GPR65: variants seen among roughly 807,000 people sequenced by gnomAD.
The protein encoded by GPR65 is G protein-coupled receptor 65.
GPR65 carries 2 observed loss-of-function variants against 0.7 expected under a neutral mutation model. That is an observed-to-expected ratio of 2.83 (90% confidence interval 1.16 to 8.92). The LOEUF (loss-of-function observed/expected upper bound fraction) is 8.92, where lower values mean the gene tolerates loss of function less well. GPR65 is among the 30% of genes most tolerant of loss of function. The probability of loss-of-function intolerance (pLI) is 0.04; values close to 1 mark genes in which losing one functional copy is unlikely to be tolerated. For missense variants in GPR65, 379 were observed against 399.4 expected (o/e 0.95, Z 0.43); for synonymous variants, 128 against 146.5 (o/e 0.87, Z 0.91).
At chr14:88,007,291 C>T (rs1887607665) in intron 1 of GPR65, among the ~76,000 whole-genome samples, 1 of 152,114 alleles carries the variant, frequency 6.6e-6, no homozygotes, top group Non-Finnish European at 1.5e-5. Context: ...AAGATTCCTT[C>T]ATCAGTTCTA....
At chr14:88,009,296 C>A (rs150716803) in intron 1 of GPR65, among the ~76,000 whole-genome samples, 1 of 152,104 alleles carries the variant, frequency 6.6e-6, no homozygotes, top group Non-Finnish European at 1.5e-5. Context: ...AATTTTCCCC[C>A]CCTTTGGAAG....
At chr14:88,008,892 A>G (rs1363703735) in intron 1 of GPR65, among the ~76,000 whole-genome samples, 1 of 152,130 alleles carries the variant, frequency 6.6e-6, no homozygotes, top group African/African-American at 2.4e-5. Context: ...AGTTTGCAGG[A>G]TCAAACTAAT....
In GPR65 at chr14:88,014,712, C is replaced by A. The variant is rs1887739163; in HGVS notation, c.*2851C>A. On this transcript the variant is annotated 3_prime_UTR_variant, in exon 2 of 2. Coordinates refer to ENST00000267549, the MANE Select transcript of GPR65 (RefSeq NM_003608.4). ...TCAAAAAGCAATCCAGGTACATAGC[C>A]ATAAAGGGATGAGCTAGAGAGGTCT... 6.6e-6 allele frequency: 1 copy of A among 151,978 alleles called. No homozygotes were observed. The allele number at this position is 151,978 out of a possible 1,614,324, so 9.4% of individuals were successfully genotyped here. A position where few individuals can be genotyped will look rare whatever the true frequency, so the allele number is the denominator to read the frequency against.
Position 88,010,695 on chromosome 14 carries a change from T to C in GPR65, c.-153T>C, listed in dbSNP as rs1047990351. On this transcript the variant is annotated 5_prime_UTR_variant, in exon 2 of 2. Coordinates refer to ENST00000267549, the MANE Select transcript of GPR65 (RefSeq NM_003608.4). ...ATCTACATCCACCCTTTAAAAGCAT[T>C]GATGAATTAATTAGAACTTTAGACA... 14 of 604,476 alleles carry C rather than the reference T, an allele frequency of 2.3e-5. No individual in the cohort carries two copies. In the African/African-American group the frequency reaches 2.6e-4, roughly 11 times the overall value. 37.4% of individuals were successfully genotyped at this position (604,476 alleles called of 1,614,324 possible). A position where few individuals can be genotyped will look rare whatever the true frequency, so the allele number is the denominator to read the frequency against.
Position 88,011,519 on chromosome 14 carries a change from C to A in GPR65, c.672C>A (p.Ile224=). 1.2e-6 allele frequency: 2 copies of A among 1,613,922 alleles called. No individual in the cohort carries two copies. Among genetic ancestry groups the A allele is most frequent in the Non-Finnish European group, 1.7e-6 (2 of 1,179,858 alleles). ...KATENKEKKR[I]IKLLVSITVT... ...CGGAAAACAAGGAAAAGAAGAGAAT[C>A]ATAAAACTACTTGTCAGCATCACAG... Residue 224 remains isoleucine, a synonymous_variant, in exon 2 of 2, where the codon ATC becomes ATA. Coordinates refer to ENST00000267549, the MANE Select transcript of GPR65 (RefSeq NM_003608.4).
chr14:88,013,851 T>C lies in GPR65; in HGVS notation c.*1990T>C, dbSNP rs976744600. On this transcript the variant is annotated 3_prime_UTR_variant, in exon 2 of 2. Coordinates refer to ENST00000267549, the MANE Select transcript of GPR65 (RefSeq NM_003608.4). ...GATGTGGGGGTTATGGTACCTCTTT[T>C]CTCTTCCAAAGATGCTGTTCTTACT... 6.6e-6 allele frequency: 1 copy of C among 152,216 alleles called. No individual in the cohort carries two copies. Among genetic ancestry groups the C allele is most frequent in the Admixed American group, 6.6e-5 (1 of 15,264 alleles). 9.4% of individuals were successfully genotyped at this position (152,216 alleles called of 1,614,324 possible).
chr14:88,008,829 T>C (rs1887634220), intron 1 of GPR65, among the ~76,000 whole-genome samples: 1 of 152,158 alleles, frequency 6.6e-6, no homozygotes, highest in African/African-American at 2.4e-5. Context: ...CATTTTAATT[T>C]TAGCTTGAAT....
chr14:88,007,790 G>C (rs1017588504), intron 1 of GPR65, among the ~76,000 whole-genome samples: 1 of 100,598 alleles, frequency 9.9e-6, no homozygotes, highest in Non-Finnish European at 2.0e-5. Flanking sequence ...CTCTCTGTGT[G>C]TATGTGTGTG....
At position 88,011,788 on chromosome 14, in the gene GPR65, C is replaced by T. The variant is rs561391699; in HGVS notation, c.941C>T (p.Thr314Ile). Residue 314 changes from threonine to isoleucine, a missense_variant, in exon 2 of 2, where the codon ACA becomes ATA. Transcript: ENST00000267549. Reference sequence around the variant, plus strand: ...AAATTCTGCACTGGGAGGTGTAATACATCACAAAGACAAAGAAAACGCATA... The same window carrying T: ...AAATTCTGCACTGGGAGGTGTAATATATCACAAAGACAAAGAAAACGCATA... ...ILKFCTGRCNTSQRQRKRILS... is the reference protein window; with the variant it reads ...ILKFCTGRCNISQRQRKRILS... 2.5e-4 allele frequency: 407 copies of T among 1,607,012 alleles called. 3 individuals are homozygous for T. The South Asian group carries it at 4.2e-3, about 17-fold the overall frequency.
chr14:88,009,951 A>C (rs527277923), intron 1 of GPR65, among the ~76,000 whole-genome samples: 1 of 152,356 alleles, frequency 6.6e-6, no homozygotes, highest in South Asian at 2.1e-4. Context: ...TTGGATAATA[A>C]GGTGATTTTT....
intron 1 of GPR65, among the ~76,000 whole-genome samples, chr14:88,006,789 G>A (rs1228004532): frequency 2.6e-5 from 4 of 152,100 alleles, no homozygotes; most frequent in Admixed American, 2.6e-4. Flanking sequence ...TGTTGTGTGT[G>A]CATCAGAGTC....
At position 88,011,646 on chromosome 14, in the gene GPR65, C is replaced by G. The variant is rs749552917; in HGVS notation, c.799C>G (p.Arg267Gly). The G allele has an allele frequency of 1.2e-6, 2 of 1,613,648 alleles. No individual in the cohort carries two copies. Among genetic ancestry groups the G allele is most frequent in the South Asian group, 2.2e-5 (2 of 91,074 alleles). ...CGAAGACCACAGCAATTCTGGGAAG[C>G]GAACTTACACAATGTATAGAATCAC... ...NFEDHSNSGK[R>G]TYTMYRITVA... Residue 267 changes from arginine (R) to glycine (G), a missense_variant, in exon 2 of 2, where the codon CGA becomes GGA. Transcript: ENST00000267549.
rs968203637 is a variant in GPR65 at position 88,012,034 on chromosome 14, C to T, written c.*173C>T. The T allele has an allele frequency of 2.0e-5, 10 of 506,190 alleles. No homozygotes were observed. The East Asian group carries it at 2.5e-4, about 13-fold the overall frequency. The allele number at this position is 506,190 out of a possible 1,614,324, so 31.4% of individuals were successfully genotyped here. ...ACTGCATTGTACAGCTCCCTCCCTGCGTTTTATTAAATGATGTATATTAAA... is the reference window on the plus strand; with the variant it reads ...ACTGCATTGTACAGCTCCCTCCCTGTGTTTTATTAAATGATGTATATTAAA... On this transcript the variant is annotated 3_prime_UTR_variant, in exon 2 of 2. Transcript: ENST00000267549.
Position 88,010,972 on chromosome 14 carries a change from A to G in GPR65, c.125A>G (p.Gln42Arg), listed in dbSNP as rs1446467484. 7.4e-6 allele frequency: 12 copies of G among 1,612,864 alleles called. No individual in the cohort carries two copies. Among genetic ancestry groups the G allele is most frequent in the Admixed American group, 3.3e-5 (2 of 59,994 alleles). Residue 42 changes from glutamine to arginine, a missense_variant, in exon 2 of 2, where the codon CAA becomes CGA. Transcript: ENST00000267549. ...NIGSLCVSFL[Q>R]AKKESELGIY... ...GGATCTCTGTGTGTGTCTTTCCTGC[A>G]AGCAAAGAAGGAAAGTGAACTAGGA...
At position 88,014,411 on chromosome 14, in the gene GPR65, T is replaced by C. The variant is rs993479916; in HGVS notation, c.*2550T>C. ...ATTATTATCTATGAAATTCAAGCTG[T>C]AACTCAACATATGTATAATTTTAAT... On this transcript the variant is annotated 3_prime_UTR_variant, in exon 2 of 2. Transcript: ENST00000267549. 5 of 152,230 alleles carry C rather than the reference T, an allele frequency of 3.3e-5. No homozygotes were observed. The highest frequency in any genetic ancestry group is 5.9e-5 in the Non-Finnish European group (4 of 68,036). 9.4% of individuals were successfully genotyped at this position (152,230 alleles called of 1,614,324 possible). A position where few individuals can be genotyped will look rare whatever the true frequency, so the allele number is the denominator to read the frequency against.
At chr14:88,008,246 A>G (rs1887625371) in intron 1 of GPR65, among the ~76,000 whole-genome samples, 2 of 152,274 alleles carry the variant, frequency 1.3e-5, no homozygotes, top group South Asian at 2.1e-4. Flanking sequence ...GAGCATGCTC[A>G]TGGAACCAGC....
At chr14:88,007,047 G>A (rs1003012283) in intron 1 of GPR65, among the ~76,000 whole-genome samples, 2 of 152,200 alleles carry the variant, frequency 1.3e-5, no homozygotes, top group South Asian at 2.1e-4. Flanking sequence ...TCTGCTGTCT[G>A]TTATCGCTGT....
chr14:88,008,624 T>C (rs183609400), intron 1 of GPR65, among the ~76,000 whole-genome samples: 2 of 152,332 alleles, frequency 1.3e-5, no homozygotes, highest in East Asian at 3.9e-4. Flanking sequence ...AGTACCTGTC[T>C]TTTGGTTAAC....
At chr14:88,008,346 C>T (rs1887627429) in intron 1 of GPR65, among the ~76,000 whole-genome samples, 1 of 152,182 alleles carries the variant, frequency 6.6e-6, no homozygotes, top group Admixed American at 6.5e-5. Context: ...CCAGAGGTAG[C>T]CACTACCCAG....
Sources: gnomAD v4.1 joint callset for allele counts (sites outside exome capture counted in the v4.1 genomes callset) on GRCh38, gnomAD v4.1.1 for gene constraint, MANE v1.5 for transcripts, NCBI Gene and HGNC (gene_info 2026-07-23, HGNC 2026-07-21) for gene names.